Variants in ADCY9 observed in about 807,000 individuals in gnomAD.
ADCY9 encodes adenylate cyclase type 9.
ADCY9 carries 50 observed loss-of-function variants against 101.5 expected under a neutral mutation model. The observed-to-expected ratio is 0.49, with a 90% confidence interval of 0.39 to 0.62. The LOEUF (loss-of-function observed/expected upper bound fraction) is 0.62, where lower values mean the gene tolerates loss of function less well. ADCY9 is among the 20% of genes least tolerant of loss of function. ADCY9 has a pLI of 0.00. For synonymous variants in ADCY9, 905 were observed against 769.3 expected, an observed-to-expected ratio of 1.18 and a Z score of -2.92; for missense variants, 1,662 against 1,800.4, an observed-to-expected ratio of 0.92 and a Z score of 1.39.
chr16:4,114,161 G>A lies in ADCY9; in HGVS notation c.1282C>T (p.Arg428Cys), dbSNP rs2057131993. The A allele has an allele frequency of 6.2e-7, 1 of 1,613,894 alleles. No homozygotes were observed. ...LLNDLFGRFD[R>C]LCEETKCEKI... ...TCACACTTGGTCTCCTCACACAGGC[G>A]GTCGAAGCGACCGAACAGATCGTTC... The change falls in exon 2 of 11, where the codon CGC becomes TGC. Residue 428 changes from arginine (R) to cysteine (C), a missense_variant. Arg to Cys is a radical substitution (Grantham distance 180). Transcript: ENST00000294016. This position sits in a 1 kb window ranked among gnomAD's most constrained non-coding sequence, Gnocchi z 4.3.
intron 2 of ADCY9, among the ~76,000 whole-genome samples, chr16:4,038,416 C>T (rs1452357232): frequency 3.9e-5 from 6 of 152,098 alleles, no homozygotes; most frequent in Non-Finnish European, 1.5e-5. Context: ...CCTGAGGGAA[C>T]GAGTCCGTAG....
chr16:3,986,540 C>G (rs1427289711), intron 6 of ADCY9, among the ~76,000 whole-genome samples: 1 of 152,224 alleles, frequency 6.6e-6, no homozygotes, highest in East Asian at 1.9e-4. Flanking sequence ...TCACTGCAAC[C>G]TCCGCCTCCC....
chr16:4,042,641 T>C (rs1027432707), intron 2 of ADCY9, among the ~76,000 whole-genome samples: 3 of 152,120 alleles, frequency 2.0e-5, no homozygotes, highest in Non-Finnish European at 4.4e-5. Context: ...TCTGAAAGAG[T>C]GGAAATGAAC....
chr16:4,098,209 G>C (rs2057020428), intron 2 of ADCY9, among the ~76,000 whole-genome samples: 1 of 151,634 alleles, frequency 6.6e-6, no homozygotes, highest in South Asian at 2.1e-4. Context: ...TCTACGTTTT[G>C]GTTTGGGATT....
chr16:3,956,488 C>CTTTTTAGCTTTTTTTTTTTTTT (rs2055906599), intron 5 of ADCY9, among the ~76,000 whole-genome samples: 1 of 68,762 alleles, frequency 1.5e-5, no homozygotes, highest in African/African-American at 6.6e-5. Context: ...GCGCAATGAG[C>CTTTTTAGCTTTTTTTTTTTTTT]TTTTTTTTTT....
chr16:3,996,791 GA>G (rs952104244), intron 3 of ADCY9, among the ~76,000 whole-genome samples: 7 of 152,186 alleles, frequency 4.6e-5, no homozygotes, highest in African/African-American at 1.7e-4. Flanking sequence ...TTAGTCACAG[GA>G]ATCTCCTGGC....
At chr16:4,079,752 TATATTTGATTTTGAATAA>T (rs1567139844) in intron 2 of ADCY9, among the ~76,000 whole-genome samples, 1 of 152,102 alleles carries the variant, frequency 6.6e-6, no homozygotes, top group African/African-American at 2.4e-5. Flanking sequence ...TGCATTGATA[TATATTTGATTTTGAATAA>T]ATATTTGATA....
At chr16:4,013,055 CAGCCTGGACAACAT>C (rs951837068) in intron 2 of ADCY9, among the ~76,000 whole-genome samples, 2 of 151,902 alleles carry the variant, frequency 1.3e-5, no homozygotes, top group Non-Finnish European at 2.9e-5. Context: ...AGTTTGAGAC[CAGCCTGGACAACAT>C]AGCGAGATCC....
At chr16:4,083,297 TTGTG>T (rs2056917232) in intron 2 of ADCY9, among the ~76,000 whole-genome samples, 1 of 152,202 alleles carries the variant, frequency 6.6e-6, no homozygotes, top group Non-Finnish European at 1.5e-5. Flanking sequence ...AGTTTTCTGT[TTGTG>T]TGGGATACAA....
chr16:4,012,070 C>T (rs1374198608), intron 2 of ADCY9, among the ~76,000 whole-genome samples: 1 of 152,214 alleles, frequency 6.6e-6, no homozygotes, highest in Non-Finnish European at 1.5e-5. Flanking sequence ...AATAATTGCT[C>T]CTGATTTGTT....
chr16:4,022,220 G>A (rs1201712102), intron 2 of ADCY9, among the ~76,000 whole-genome samples: 1 of 152,122 alleles, frequency 6.6e-6, no homozygotes, highest in East Asian at 1.9e-4. Flanking sequence ...AACCAGGCAT[G>A]GTGGCTCATG....
At chr16:4,048,784 G>A (rs1346251875) in intron 2 of ADCY9, among the ~76,000 whole-genome samples, 1 of 152,018 alleles carries the variant, frequency 6.6e-6, no homozygotes, top group African/African-American at 2.4e-5. Flanking sequence ...GATGCTGAGG[G>A]TTCCCATAGA....
chr16:4,112,508 C>T (rs2057120166), intron 2 of ADCY9, among the ~76,000 whole-genome samples: 2 of 152,092 alleles, frequency 1.3e-5, no homozygotes, highest in African/African-American at 2.4e-5. Context: ...CTCACACCAA[C>T]GACCTATGCA....
At chr16:4,008,167 C>A in intron 2 of ADCY9, among the ~76,000 whole-genome samples, 1 of 151,310 alleles carries the variant, frequency 6.6e-6, no homozygotes, top group African/African-American at 2.4e-5. Context: ...AGCTGAGGTC[C>A]ACATGCATTT....
rs1192986261 is a variant in ADCY9 at position 4,115,315 on chromosome 16, G to C, written c.128C>G (p.Pro43Arg). The C allele has an allele frequency of 6.2e-7, 1 of 1,613,784 alleles. No homozygotes were observed. The highest frequency in any genetic ancestry group is 8.5e-7 in the Non-Finnish European group (1 of 1,179,886). ...NPKQLSSNSH[P>R]KHCKYSISSS... The stretch of plus-strand genomic sequence containing the variant: ...GGAGATGCTGTATTTGCAGTGCTTG[G>C]GGTGGCTGTTGGAGGACAGCTGCTT... The change falls in exon 2 of 11, where the codon CCC becomes CGC. Residue 43 changes from proline to arginine, a missense_variant. Physicochemically the swap from Pro to Arg is moderately radical, Grantham distance 103 (BLOSUM62 -2). This residue lies in a region of ADCY9 where 422 missense variants were observed against 392.0 expected (regional missense o/e 1.08). Coordinates refer to ENST00000294016, the MANE Select transcript of ADCY9 (RefSeq NM_001116.4). This position sits in a 1 kb window ranked among gnomAD's most constrained non-coding sequence, Gnocchi z 6.2.
At chr16:3,973,111 A>G (rs891062672) in intron 10 of ADCY9, among the ~76,000 whole-genome samples, 1 of 152,252 alleles carries the variant, frequency 6.6e-6, no homozygotes, top group African/African-American at 2.4e-5. Context: ...AATGTTTTCC[A>G]TATTTACTGC....
chr16:4,041,162 C>T (rs923540194), intron 2 of ADCY9, among the ~76,000 whole-genome samples: 2 of 152,128 alleles, frequency 1.3e-5, no homozygotes, highest in Admixed American at 6.5e-5. Context: ...GAAGCCACTC[C>T]ACACTCATCC....
At chr16:4,065,659 C>A (rs1349884967) in intron 2 of ADCY9, among the ~76,000 whole-genome samples, 1 of 152,240 alleles carries the variant, frequency 6.6e-6, no homozygotes, top group East Asian at 1.9e-4. Context: ...GCAACCTCCA[C>A]CTCCCGGATT....
chr16:4,086,561 C>T (rs1212003026), intron 2 of ADCY9, among the ~76,000 whole-genome samples: 1 of 152,122 alleles, frequency 6.6e-6, no homozygotes, highest in Non-Finnish European at 1.5e-5. Flanking sequence ...GAAACATAAT[C>T]TACTTAGGGG....
Sources: allele counts gnomAD v4.1 joint callset (sites outside exome capture counted in the v4.1 genomes callset), GRCh38; gene constraint gnomAD v4.1.1; regional missense constraint gnomAD v4.1.1; non-coding constraint Gnocchi (gnomAD v3.1); transcripts MANE v1.5; gene names NCBI Gene and HGNC (gene_info 2026-07-23, HGNC 2026-07-21).